The following ITGB3BP variants were observed in gnomAD, a reference collection of about 807,000 sequenced individuals.
ITGB3BP encodes the protein integrin subunit beta 3 binding protein.
In ITGB3BP, 27 loss-of-function variants were observed where a neutral mutation model predicts 29.1. That is an observed-to-expected ratio of 0.93 (90% CI 0.68 to 1.28). The LOEUF is 1.28. Among genes scored for constraint, ITGB3BP ranks in the 50% most tolerant of loss-of-function variants. The probability of loss-of-function intolerance (pLI) is 0.00; values close to 1 mark genes in which losing one functional copy is unlikely to be tolerated. For missense variants in ITGB3BP, 192 were observed against 200.2 expected (o/e 0.96, Z 0.25); for synonymous variants, 61 against 61.4 (o/e 0.99, Z 0.03).
chr1:63,520,793 G>C (rs989390535), intron 1 of ITGB3BP, among the ~76,000 whole-genome samples: 5 of 151,822 alleles, frequency 3.3e-5, no homozygotes, highest in Non-Finnish European at 7.4e-5. Context: ...CTATTAAACT[G>C]TATTTATCAT....
intron 7 of ITGB3BP, among the ~76,000 whole-genome samples, chr1:63,453,220 TACTC>T (rs1357271054): frequency 1.3e-5 from 2 of 152,242 alleles, no homozygotes; most frequent in Non-Finnish European, 2.9e-5. Flanking sequence ...TAATTATAGT[TACTC>T]AATAAATGGC....
At chr1:63,519,060 A>G (rs1646395644) in intron 1 of ITGB3BP, among the ~76,000 whole-genome samples, 1 of 152,134 alleles carries the variant, frequency 6.6e-6, no homozygotes, top group African/African-American at 2.4e-5. Context: ...ACCCCATAAT[A>G]GTGTTTAATT....
At chr1:63,442,411 T>G (rs1307034860) in intron 8 of ITGB3BP, 1 of 152,180 alleles carries the variant, frequency 6.6e-6, no homozygotes, top group Non-Finnish European at 1.5e-5. Context: ...TAATTTCATG[T>G]AGTAGGGAGA....
intron 4 of ITGB3BP, among the ~76,000 whole-genome samples, chr1:63,467,028 GC>G (rs2100560776): frequency 6.6e-6 from 1 of 151,776 alleles, no homozygotes; most frequent in Non-Finnish European, 1.5e-5. Context: ...GTCCACAGGT[GC>G]ACACTACCAT....
At chr1:63,484,019 G>A (rs1645483771) in intron 3 of ITGB3BP, among the ~76,000 whole-genome samples, 1 of 152,148 alleles carries the variant, frequency 6.6e-6, no homozygotes, top group Non-Finnish European at 1.5e-5. Flanking sequence ...ACACAGGACT[G>A]TATATGCATT....
At chr1:63,521,384 T>C (rs1195382393) in intron 1 of ITGB3BP, among the ~76,000 whole-genome samples, 1 of 152,274 alleles carries the variant, frequency 6.6e-6, no homozygotes, top group Non-Finnish European at 1.5e-5. Flanking sequence ...CTTAGAAAAT[T>C]AGCAAAGTAA....
chr1:63,477,526 C>T (rs1337132728), intron 4 of ITGB3BP, among the ~76,000 whole-genome samples: 2 of 152,064 alleles, frequency 1.3e-5, no homozygotes, highest in Non-Finnish European at 2.9e-5. Context: ...CAATACTAGC[C>T]TGGGTAACAT....
intron 1 of ITGB3BP, among the ~76,000 whole-genome samples, chr1:63,515,761 G>A (rs951752147): frequency 9.5e-5 from 14 of 148,144 alleles, no homozygotes; most frequent in African/African-American, 2.5e-4. Context: ...GGGAGGCGGA[G>A]GTTGCAGTGA....
intron 4 of ITGB3BP, among the ~76,000 whole-genome samples, chr1:63,468,631 G>C (rs1356261173): frequency 6.6e-6 from 1 of 151,474 alleles, no homozygotes; most frequent in Admixed American, 6.6e-5. Flanking sequence ...GGAGGCCGAG[G>C]CGGGCGGACC....
intron 2 of ITGB3BP, among the ~76,000 whole-genome samples, chr1:63,493,586 T>A (rs2100695450): frequency 6.6e-6 from 1 of 152,232 alleles, no homozygotes; most frequent in Non-Finnish European, 1.5e-5. Flanking sequence ...GGAGGTCTAA[T>A]CTTGTACATT....
In ITGB3BP at chr1:63,469,159, C is replaced by T. The variant is rs187846130; in HGVS notation, c.254+9605G>A. On this transcript the variant is annotated intron_variant, in intron 4 of 8. Coordinates refer to ENST00000271002, the MANE Select transcript of ITGB3BP (RefSeq NM_014288.5). ...GTTAGGGCAATAACATTATCTACCT[C>T]ACTGGGTTGTTAAGAGGATTAAATG... Among the ~76,000 whole-genome samples the T allele has an allele frequency of 4.6e-5, 7 of 151,402 alleles. No homozygotes were observed. The East Asian group carries it at 1.2e-3, about 25-fold the overall frequency.
At chr1:63,452,370 T>A (rs1570125209) in intron 7 of ITGB3BP, among the ~76,000 whole-genome samples, 1 of 152,170 alleles carries the variant, frequency 6.6e-6, no homozygotes, top group Non-Finnish European at 1.5e-5. Context: ...GTAGAATATA[T>A]AGAAGCAAGA....
intron 2 of ITGB3BP, among the ~76,000 whole-genome samples, chr1:63,501,107 C>T (rs1214090699): frequency 6.6e-6 from 1 of 152,058 alleles, no homozygotes; most frequent in Non-Finnish European, 1.5e-5. Context: ...CATTTTTTTA[C>T]ATGTGGATAT....
Position 63,454,117 on chromosome 1 carries a change from A to G in ITGB3BP, c.428-143T>C. ...TACCAAATATAAAATATAATACCTT[A>G]TTATATATTATAAAAATGGGCATTA... On this transcript the variant is annotated intron_variant, in intron 6 of 8. Coordinates refer to ENST00000271002, the MANE Select transcript of ITGB3BP (RefSeq NM_014288.5). This position sits in a 1 kb window ranked among gnomAD's most constrained non-coding sequence, Gnocchi z 4.1. 2 of 473,022 alleles carry G rather than the reference A, an allele frequency of 4.2e-6. No homozygotes were observed. Among genetic ancestry groups the G allele is most frequent in the Non-Finnish European group, 7.3e-6 (2 of 272,648 alleles). The allele number at this position is 473,022 out of a possible 1,614,324, so 29.3% of individuals were successfully genotyped here. A position where few individuals can be genotyped will look rare whatever the true frequency, so the allele number is the denominator to read the frequency against.
intron 2 of ITGB3BP, among the ~76,000 whole-genome samples, chr1:63,502,511 T>C (rs1557647045): frequency 3.0e-5 from 1 of 32,826 alleles, no homozygotes; most frequent in East Asian, 1.2e-3. Flanking sequence ...CAAAAGGCAC[T>C]TCTTTTTTTT....
At chr1:63,475,125 C>T (rs1348434434) in intron 4 of ITGB3BP, among the ~76,000 whole-genome samples, 4 of 151,986 alleles carry the variant, frequency 2.6e-5, no homozygotes, top group African/African-American at 9.7e-5. Flanking sequence ...CAGGTGTGCA[C>T]AACCACACCC....
chr1:63,497,092 C>T (rs541870093), intron 2 of ITGB3BP, among the ~76,000 whole-genome samples: 2 of 152,180 alleles, frequency 1.3e-5, no homozygotes, highest in African/African-American at 4.8e-5. Flanking sequence ...AAATGAAATG[C>T]CTGTACCCAT....
At chr1:63,519,913 T>C (rs931070180) in intron 1 of ITGB3BP, among the ~76,000 whole-genome samples, 11 of 152,152 alleles carry the variant, frequency 7.2e-5, no homozygotes, top group African/African-American at 2.7e-4. Flanking sequence ...CCCCCACTGT[T>C]ACTGTTACGA....
intron 2 of ITGB3BP, among the ~76,000 whole-genome samples, chr1:63,502,717 A>G (rs1645967163): frequency 8.1e-6 from 1 of 123,672 alleles, no homozygotes; most frequent in African/African-American, 3.1e-5. Context: ...TACTGTGTCC[A>G]TGTGTTCTCG....
Sources: allele counts gnomAD v4.1 joint callset (sites outside exome capture counted in the v4.1 genomes callset), GRCh38; gene constraint gnomAD v4.1.1; non-coding constraint Gnocchi (gnomAD v3.1); transcripts MANE v1.5; gene names NCBI Gene and HGNC (gene_info 2026-07-23, HGNC 2026-07-21).